The following MVB12B variants were observed in gnomAD, a reference collection of about 807,000 sequenced individuals.
The protein encoded by MVB12B is multivesicular body subunit 12B.
A neutral mutation model predicts 41.6 loss-of-function variants in MVB12B; 16 were observed. That is an observed-to-expected ratio of 0.38 (90% CI 0.26 to 0.58). MVB12B has a LOEUF of 0.58. MVB12B is among the 20% of genes least tolerant of loss of function. The probability of loss-of-function intolerance (pLI) is 0.62; values close to 1 mark genes in which losing one functional copy is unlikely to be tolerated. For missense variants in MVB12B, 274 were observed against 380.2 expected (o/e 0.72, Z 2.32); for synonymous variants, 133 against 139.7 (o/e 0.95, Z 0.34).
At chr9:126,426,948 C>T (rs1832196844) in intron 7 of MVB12B, 2 of 152,568 alleles carry the variant, frequency 1.3e-5, no homozygotes, top group South Asian at 4.1e-4. Context: ...GAGCAAAAAA[C>T]CTCTACCGCC....
At chr9:126,332,727 C>T (rs1317706135) in intron 1 of MVB12B, among the ~76,000 whole-genome samples, 1 of 151,670 alleles carries the variant, frequency 6.6e-6, no homozygotes, top group Non-Finnish European at 1.5e-5. Flanking sequence ...TATGTGCCCT[C>T]TCCCCTTTAT....
rs1301433525 is a variant in MVB12B, at chr9:126,478,027, A to G, written c.758-3342A>G. On this transcript the variant is annotated intron_variant, in intron 7 of 9. Transcript: ENST00000361171. This position sits in a 1 kb window ranked among gnomAD's most constrained non-coding sequence, Gnocchi z 4.2. ...ACGCTCCTTGTGGGAGCAGGGAGAA[A>G]CTGCTTCATGGGTGAGGGGTTTGGC... 6.6e-6 allele frequency among the ~76,000 whole-genome samples: 1 copy of G among 152,218 alleles called. No individual in the cohort carries two copies. Among genetic ancestry groups the G allele is most frequent in the Non-Finnish European group, 1.5e-5 (1 of 68,046 alleles).
chr9:126,503,113 T>G, intron 9 of MVB12B, 64 bp from the exon 10 acceptor site: 4 of 1,361,772 alleles, frequency 2.9e-6, no homozygotes, highest in Non-Finnish European at 4.1e-6. Flanking sequence ...TCTGAGGCTG[T>G]GGAGGGGTTT....
chr9:126,497,784 T>C (rs891944911), intron 9 of MVB12B, among the ~76,000 whole-genome samples: 1 of 152,194 alleles, frequency 6.6e-6, no homozygotes. Flanking sequence ...TCTAGAACCA[T>C]GGCCCAAGTA....
intron 7 of MVB12B, among the ~76,000 whole-genome samples, chr9:126,466,698 G>A (rs1382442722): frequency 6.6e-6 from 1 of 152,124 alleles, no homozygotes; most frequent in African/African-American, 2.4e-5. Flanking sequence ...TTTCTATGGT[G>A]CCCTAGAGAT....
intron 9 of MVB12B, among the ~76,000 whole-genome samples, chr9:126,497,257 C>T (rs914722348): frequency 2.0e-5 from 3 of 152,084 alleles, no homozygotes; most frequent in African/African-American, 4.8e-5. Context: ...GGGTGAGACC[C>T]CCCAGCTGGA....
At chr9:126,339,158 GT>G (rs1354794552) in intron 1 of MVB12B, among the ~76,000 whole-genome samples, 1 of 152,216 alleles carries the variant, frequency 6.6e-6, no homozygotes, top group Non-Finnish European at 1.5e-5. Flanking sequence ...GGAGCTTTTT[GT>G]GGGTTCCACT....
intron 1 of MVB12B, among the ~76,000 whole-genome samples, chr9:126,331,133 T>G (rs1050141163): frequency 6.2e-4 from 94 of 151,978 alleles, no homozygotes; most frequent in African/African-American, 2.2e-3. Flanking sequence ...GAAGTGGAAT[T>G]GCTGGATCAT....
intron 6 of MVB12B, chr9:126,397,393 G>C: frequency 5.1e-6 from 5 of 985,450 alleles, no homozygotes; most frequent in Non-Finnish European, 6.0e-6. Flanking sequence ...TGGGTTTGGA[G>C]GGTAGTGCGT....
intron 7 of MVB12B, among the ~76,000 whole-genome samples, chr9:126,467,270 T>G (rs1385987679): frequency 6.6e-6 from 1 of 152,200 alleles, no homozygotes; most frequent in East Asian, 1.9e-4. Context: ...CCTTGTCTGA[T>G]GTTTTCTCAT....
At chr9:126,429,667 G>A (rs573031200) in intron 7 of MVB12B, among the ~76,000 whole-genome samples, 3 of 152,298 alleles carry the variant, frequency 2.0e-5, no homozygotes, top group African/African-American at 4.8e-5. Context: ...TAACCCTTTC[G>A]AAATGCAAAA....
chr9:126,381,244 TTTG>T (rs1830626820), intron 3 of MVB12B, 73 bp downstream of exon 3: 11 of 1,091,474 alleles, frequency 1.0e-5, no homozygotes, highest in African/African-American at 3.1e-5. Flanking sequence ...ATTTCCTCAT[TTTG>T]TTGTTGTTGT....
chr9:126,363,500 A>T (rs1830082312), intron 2 of MVB12B, among the ~76,000 whole-genome samples: 1 of 152,138 alleles, frequency 6.6e-6, no homozygotes, highest in Non-Finnish European at 1.5e-5. Context: ...CTTCTAATGC[A>T]TTTCCCTAAC....
At chr9:126,501,353 A>G (rs544762011) in intron 9 of MVB12B, among the ~76,000 whole-genome samples, 1 of 152,316 alleles carries the variant, frequency 6.6e-6, no homozygotes, top group South Asian at 2.1e-4. Flanking sequence ...CACTGAGGGC[A>G]GGAGAGGAGA....
rs1048321944 is a variant in MVB12B at position 126,459,744 on chromosome 9, G to A, written c.758-21625G>A. ...AGTTGTTACAGCGCTCACAGGGGCC[G>A]CGCTCACCTGCACCCATCCTTGCCT... On this transcript the variant is annotated intron_variant, in intron 7 of 9. Coordinates refer to ENST00000361171, the MANE Select transcript of MVB12B (RefSeq NM_033446.3). This position sits in a 1 kb window ranked among gnomAD's most constrained non-coding sequence, Gnocchi z 4.3. Among the ~76,000 whole-genome samples, 64 of 152,212 alleles carry A rather than the reference G, an allele frequency of 4.2e-4. No individual in the cohort carries two copies. Among genetic ancestry groups the A allele is most frequent in the African/African-American group, 1.5e-3 (64 of 41,540 alleles).
At chr9:126,492,382 G>C (rs4836547) in intron 9 of MVB12B, among the ~76,000 whole-genome samples, 75,958 of 151,266 alleles carry the variant, frequency 0.5, 19,288 homozygotes, top group East Asian at 0.72. Flanking sequence ...TGCCTGGCTC[G>C]CCTGGGTCTT....
At chr9:126,377,882 A>G (rs1830524223) in intron 2 of MVB12B, among the ~76,000 whole-genome samples, 1 of 152,234 alleles carries the variant, frequency 6.6e-6, no homozygotes, top group Non-Finnish European at 1.5e-5. Context: ...CTGTCAGAGC[A>G]GATGTCCCCT....
rs1482968059 is a variant in MVB12B, at chr9:126,480,900, T to C, written c.758-469T>C. 6.4e-6 allele frequency: 1 copy of C among 155,170 alleles called. No homozygotes were observed. The highest frequency in any genetic ancestry group is 1.4e-5 in the Non-Finnish European group (1 of 70,230). The allele number at this position is 155,170 out of a possible 1,614,324, so 9.6% of individuals were successfully genotyped here. ...AACCCAGCCAATCTGACTCCTGAGCTCCTCTTTCCTCCCACTTAGTCTTTT... is the reference window on the plus strand; with the variant it reads ...AACCCAGCCAATCTGACTCCTGAGCCCCTCTTTCCTCCCACTTAGTCTTTT... On this transcript the variant is annotated intron_variant, in intron 7 of 9. Coordinates refer to ENST00000361171, the MANE Select transcript of MVB12B (RefSeq NM_033446.3). The surrounding 1 kb of genome is among the most constrained non-coding windows in gnomAD (Gnocchi z 4.9).
rs564438352 is a variant in MVB12B at position 126,452,857 on chromosome 9, A to G, written c.758-28512A>G. Reference sequence around the variant, plus strand: ...GAAAAAATAAATGAAATGCTTAGGCACTTCATGGCCCTTTATTTTCCAGCC... The same window carrying G: ...GAAAAAATAAATGAAATGCTTAGGCGCTTCATGGCCCTTTATTTTCCAGCC... On this transcript the variant is annotated intron_variant, in intron 7 of 9. Transcript: ENST00000361171. 7.9e-5 allele frequency among the ~76,000 whole-genome samples: 12 copies of G among 152,254 alleles called. No individual in the cohort carries two copies. In the South Asian group the frequency reaches 2.5e-3, roughly 32 times the overall value.
Sources: gnomAD v4.1 joint callset for allele counts (sites outside exome capture counted in the v4.1 genomes callset) on GRCh38, gnomAD v4.1.1 for gene constraint, Gnocchi (gnomAD v3.1) non-coding constraint, MANE v1.5 for transcripts, NCBI Gene and HGNC (gene_info 2026-07-23, HGNC 2026-07-21) for gene names.